TRAPPC10: variants seen among roughly 807,000 people sequenced by gnomAD.
The protein encoded by TRAPPC10 is trafficking protein particle complex subunit 10, also known as TRAPP 130 kDa subunit.
A neutral mutation model predicts 125.5 loss-of-function variants in TRAPPC10; 23 were observed. The observed-to-expected ratio is 0.18, with a 90% CI of 0.13 to 0.26. The LOEUF (loss-of-function observed/expected upper bound fraction) is 0.26, where lower values mean the gene tolerates loss of function less well. Ranked by LOEUF, TRAPPC10 falls within the 10% of genes least tolerant of loss-of-function variation. The pLI is 1.00. For missense variants in TRAPPC10, 1,123 were observed against 1,308.4 expected, an observed-to-expected ratio of 0.86 and a Z score of 2.19; for synonymous variants, 509 against 518.0, an observed-to-expected ratio of 0.98 and a Z score of 0.24.
In TRAPPC10 at chr21:44,084,248, G is replaced by A. The variant is rs1334174012; in HGVS notation, c.2365G>A (p.Val789Met). The A allele has an allele frequency of 2.5e-6, 4 of 1,613,644 alleles. No homozygotes were observed. The highest frequency in any genetic ancestry group is 2.7e-5 in the African/African-American group (2 of 74,930). ...GTACTCACAGGAGCCCCAGCTGCAC[G>A]TGGAGCCGCTGGCTGGTGAGTGGGG... is the stretch of plus-strand genomic sequence containing the variant. ...DVYSQEPQLH[V>M]EPLADSLLAG... Residue 789 changes from valine (V) to methionine (M), a missense_variant, in exon 15 of 23, where the codon GTG becomes ATG. Coordinates refer to ENST00000291574, the MANE Select transcript of TRAPPC10 (RefSeq NM_003274.5).
intron 15 of TRAPPC10, among the ~76,000 whole-genome samples, chr21:44,084,630 C>G (rs1236297953): frequency 6.6e-6 from 1 of 152,158 alleles, no homozygotes; most frequent in Non-Finnish European, 1.5e-5. Flanking sequence ...CCCCTGCCAG[C>G]AAGCAAGCAG....
intron 20 of TRAPPC10, 150 bp downstream of exon 20, chr21:44,094,383 T>A: frequency 2.6e-6 from 2 of 783,424 alleles, no homozygotes. Context: ...GTTGAATCAT[T>A]GACTGTCTTT....
At chr21:44,020,278 C>G (rs897958372) in intron 1 of TRAPPC10, among the ~76,000 whole-genome samples, 2 of 151,824 alleles carry the variant, frequency 1.3e-5, no homozygotes, top group African/African-American at 4.8e-5. Context: ...AGGCGCCCAC[C>G]ACCACACCTG....
At chr21:44,084,044 C>T (rs554108267) in intron 14 of TRAPPC10, 78 bp from the exon 15 acceptor site, 92 of 1,559,848 alleles carry the variant, frequency 5.9e-5, no homozygotes, top group South Asian at 9.4e-5. Flanking sequence ...TCAGAGAGAC[C>T]GCTGCACCGC....
chr21:44,038,963 G>T (rs56912152), intron 3 of TRAPPC10, among the ~76,000 whole-genome samples: 9,118 of 152,234 alleles, frequency 0.06, 877 homozygotes, highest in African/African-American at 0.2. Context: ...ACCAGGCTGC[G>T]CCGTAGGCCC....
In TRAPPC10 at chr21:44,063,135, G is replaced by A; in HGVS notation, c.791-403G>A. The A allele has an allele frequency of 7.7e-7, 1 of 1,307,002 alleles. No individual in the cohort carries two copies. Among genetic ancestry groups the A allele is most frequent in the Non-Finnish European group, 1.0e-6 (1 of 992,166 alleles). The allele number at this position is 1,307,002 out of a possible 1,614,324, so 81.0% of individuals were successfully genotyped here. On this transcript the variant is annotated intron_variant, in intron 6 of 22. Transcript: ENST00000291574. This position sits in a 1 kb window ranked among gnomAD's most constrained non-coding sequence, Gnocchi z 4.4. ...ATCTAAGGAAGACCAAAAAACACCA[G>A]GATGGTCAGAGCAGGCTGCACTCCA...
intron 2 of TRAPPC10, among the ~76,000 whole-genome samples, chr21:44,037,324 ATATGT>A (rs1360567071): frequency 1.3e-5 from 2 of 152,218 alleles, no homozygotes; most frequent in African/African-American, 4.8e-5. Flanking sequence ...GCAAACAAAA[ATATGT>A]TATATTTTCG....
At chr21:44,053,922 T>A (rs987721762) in intron 4 of TRAPPC10, among the ~76,000 whole-genome samples, 1 of 151,766 alleles carries the variant, frequency 6.6e-6, no homozygotes, top group African/African-American at 2.4e-5. Flanking sequence ...TTAAAAAAAA[T>A]TGATGATGAT....
intron 10 of TRAPPC10, among the ~76,000 whole-genome samples, chr21:44,077,285 A>G (rs140215969): frequency 2.6e-5 from 4 of 152,234 alleles, no homozygotes. Flanking sequence ...ATAATGTTAC[A>G]TTATTAGCAA....
chr21:44,086,763 G>A, intron 15 of TRAPPC10, 39 bp from the exon 16 acceptor site: 1 of 1,606,962 alleles, frequency 6.2e-7, no homozygotes. Context: ...CTGTCTTCCG[G>A]TTGGCAGCGG....
intron 1 of TRAPPC10, among the ~76,000 whole-genome samples, chr21:44,024,642 G>C (rs183621313): frequency 4.6e-5 from 7 of 152,238 alleles, no homozygotes; most frequent in African/African-American, 1.7e-4. Context: ...TCCTCTCTCT[G>C]AGATTATACC....
At chr21:44,035,344 A>G (rs1017837598) in intron 2 of TRAPPC10, among the ~76,000 whole-genome samples, 1 of 152,198 alleles carries the variant, frequency 6.6e-6, no homozygotes, top group South Asian at 2.1e-4. Context: ...TGTGAGCGCA[A>G]TAACCTTCTG....
chr21:44,052,416 T>C lies in TRAPPC10; in HGVS notation c.422T>C (p.Leu141Pro), dbSNP rs762812438. ...AAGAAAAAAAACAAAACCAACATCCTTCCCCGAACCTCTATTGTGGACAAA... is the reference window on the plus strand; with the variant it reads ...AAGAAAAAAAACAAAACCAACATCCCTCCCCGAACCTCTATTGTGGACAAA... ...DAKKKNKTNILPRTSIVDKIR... is the reference protein window; with the variant it reads ...DAKKKNKTNIPPRTSIVDKIR... Residue 141 changes from leucine to proline, a missense_variant, in exon 4 of 23, where the codon CTT becomes CCT. Coordinates refer to ENST00000291574, the MANE Select transcript of TRAPPC10 (RefSeq NM_003274.5). 1 of 1,613,748 alleles carries C rather than the reference T, an allele frequency of 6.2e-7. No individual in the cohort carries two copies. The highest frequency in any genetic ancestry group is 8.5e-7 in the Non-Finnish European group (1 of 1,179,960).
chr21:44,053,025 G>A (rs2035329638), intron 4 of TRAPPC10, among the ~76,000 whole-genome samples: 1 of 151,898 alleles, frequency 6.6e-6, no homozygotes, highest in Non-Finnish European at 1.5e-5. Context: ...TGCCAGCTGA[G>A]CCAGCCAGCA....
intron 18 of TRAPPC10, chr21:44,091,640 A>T (rs2038586982): frequency 3.6e-6 from 1 of 275,394 alleles, no homozygotes; most frequent in South Asian, 3.7e-5. Flanking sequence ...GGGTTTCACC[A>T]TGTTGGCCAG....
chr21:44,071,505 C>G (rs1226311562), intron 7 of TRAPPC10, among the ~76,000 whole-genome samples: 1 of 152,116 alleles, frequency 6.6e-6, no homozygotes, highest in East Asian at 1.9e-4. Flanking sequence ...TCTTTCAGGC[C>G]CTCTAAAGTA....
chr21:44,012,663 G>T, intron 1 of TRAPPC10, 103 bp downstream of exon 1: 1 of 1,047,772 alleles, frequency 9.5e-7, no homozygotes, highest in Non-Finnish European at 1.4e-6. Flanking sequence ...GGCGCGCTCC[G>T]GGCTGGGCCG....
intron 1 of TRAPPC10, among the ~76,000 whole-genome samples, chr21:44,015,296 G>A (rs2031692489): frequency 9.9e-5 from 15 of 152,112 alleles, no homozygotes; most frequent in Admixed American, 9.8e-4. Context: ...GAATGTAACT[G>A]GTTCAGGTGA....
chr21:44,045,662 C>G (rs1394928129), intron 3 of TRAPPC10, among the ~76,000 whole-genome samples: 1 of 152,002 alleles, frequency 6.6e-6, no homozygotes, highest in Non-Finnish European at 1.5e-5. Flanking sequence ...AGCGATTCTC[C>G]TGCCTCAGCC....
Sources: allele counts gnomAD v4.1 joint callset (sites outside exome capture counted in the v4.1 genomes callset), GRCh38; gene constraint gnomAD v4.1.1; non-coding constraint Gnocchi (gnomAD v3.1); transcripts MANE v1.5; gene names NCBI Gene and HGNC (gene_info 2026-07-23, HGNC 2026-07-21).